Variants in ODAD3 observed in about 807,000 individuals in gnomAD.
ODAD3 encodes the protein outer dynein arm docking complex subunit 3.
In ODAD3, 57 loss-of-function variants were observed where a neutral mutation model predicts 70.9. That is an observed-to-expected ratio of 0.80 (90% CI 0.65 to 1.00). The LOEUF (loss-of-function observed/expected upper bound fraction) is 1.00, where lower values mean the gene tolerates loss of function less well. ODAD3 is among the 50% of genes least tolerant of loss of function. ODAD3 has a pLI of 0.00. For missense variants in ODAD3, 797 were observed against 763.9 expected (o/e 1.04, Z -0.51); for synonymous variants, 327 against 315.9 (o/e 1.04, Z -0.37).
In ODAD3 at chr19:11,426,218, G is replaced by C. The variant is rs1969369992; in HGVS notation, c.889C>G (p.Arg297Gly). ...TTGCACTCACTTATGTAGCGTTCCC[G>C]CTTCTTGCGCTCTCGAACCAAGGTC... ...EETLVRERKKRERYISECKKR... is the reference protein window; with the variant it reads ...EETLVRERKKGERYISECKKR... The change falls in exon 7 of 13, where the codon CGG (arginine) becomes GGG (glycine). Residue 297 changes from arginine to glycine, a missense_variant. Transcript: ENST00000356392. 7 of 1,613,716 alleles carry C rather than the reference G, an allele frequency of 4.3e-6. No homozygotes were observed. Among genetic ancestry groups the C allele is most frequent in the Non-Finnish European group, 5.9e-6 (7 of 1,179,944 alleles).
At chr19:11,428,861 TTTTATTTATTTATTTATTTA>T (rs1195887473) in intron 3 of ODAD3, among the ~76,000 whole-genome samples, 2 of 135,764 alleles carry the variant, frequency 1.5e-5, no homozygotes, top group East Asian at 2.0e-4. Flanking sequence ...GTGTTTTATT[TTTTATTTATTTATTTATTTA>T]TTTATTTATT....
chr19:11,434,941 TG>T lies in ODAD3; in HGVS notation c.75del (p.Arg26GlyfsTer56), dbSNP rs1368294758. ...PPQDQASTPS[S>X]RVKGREASGK... The stretch of plus-strand genomic sequence containing the variant: ...CCCGAAGCCTCCCTGCCCTTGACCC[TG>T]GAAGAGGGCGTCGAAGCCTGGTCCT... On this transcript the variant is annotated frameshift_variant, in exon 1 of 13. Coordinates refer to ENST00000356392, the MANE Select transcript of ODAD3 (RefSeq NM_145045.5). LOFTEE classifies it high-confidence loss of function. The T allele has an allele frequency of 1.2e-6, 2 of 1,613,976 alleles. No homozygotes were observed. Among genetic ancestry groups the T allele is most frequent in the East Asian group, 4.5e-5 (2 of 44,886 alleles).
In ODAD3 at chr19:11,426,772, G is replaced by C; in HGVS notation, c.625C>G (p.Leu209Val). The C allele has an allele frequency of 1.2e-6, 2 of 1,613,982 alleles. No homozygotes were observed. ...HTEVAKTMRN[L>V]ENRLEKAQMK... is the part of the protein sequence containing the mutation. ...TGGGCCTTCTCCAGGCGGTTCTCCA[G>C]GTTCCGCATGGTCTGGAGAGCAGCA... The change falls in exon 5 of 13, where the codon CTG (leucine) becomes GTG (valine). Residue 209 changes from leucine to valine, a missense_variant. Coordinates refer to ENST00000356392, the MANE Select transcript of ODAD3 (RefSeq NM_145045.5).
intron 7 of ODAD3, among the ~76,000 whole-genome samples, chr19:11,425,899 T>C (rs1969359937): frequency 7.0e-6 from 1 of 142,926 alleles, no homozygotes; most frequent in South Asian, 2.2e-4. Flanking sequence ...GGTCACTGAG[T>C]AAGGGGAAGG....
intron 7 of ODAD3, among the ~76,000 whole-genome samples, chr19:11,425,356 T>C (rs1391829631): frequency 7.7e-5 from 10 of 129,332 alleles, no homozygotes; most frequent in Middle Eastern, 7.6e-3. Flanking sequence ...TATATGTGTA[T>C]ATGTACATAT....
chr19:11,425,047 A>G lies in ODAD3; in HGVS notation c.964-1018T>C, dbSNP rs368337338. Among the ~76,000 whole-genome samples, 10 of 127,846 alleles carry G rather than the reference A, an allele frequency of 7.8e-5. 1 individual carries two copies. In the East Asian group the frequency reaches 9.3e-4, roughly 12 times the overall value. The allele number at this position is 127,846 out of a possible 152,430, so 83.9% of individuals were successfully genotyped here. On this transcript the variant is annotated intron_variant, in intron 7 of 12. Transcript: ENST00000356392. ...CATATGTGCATATATACATATGTGT[A>G]TATATGTGTATATGTGTATATATGT...
intron 7 of ODAD3, 88 bp from the exon 8 acceptor site, chr19:11,424,117 G>C: frequency 2.0e-6 from 3 of 1,479,456 alleles, no homozygotes; most frequent in South Asian, 2.4e-5. Flanking sequence ...ATAGGGGCCC[G>C]CGAGGAACAG....
chr19:11,435,592 G>C, upstream of ODAD3: 12 of 969,242 alleles, frequency 1.2e-5, no homozygotes, highest in Non-Finnish European at 1.7e-5. Context: ...TCCCGGTGCG[G>C]AACGTACGAC....
In ODAD3 at chr19:11,423,906, T is replaced by G. The variant is rs934631369; in HGVS notation, c.1087A>C (p.Lys363Gln). ...GTCTCGTCAGTGCCAGTGGCGTCCT[T>G]GACCTTGCCAAAGATCACCTCCATC... ...YQMEVIFGKV[K>Q]DATGTDETHS... is the part of the protein sequence containing the mutation. The change falls in exon 8 of 13, where the codon AAG becomes CAG. Residue 363 changes from lysine to glutamine, a missense_variant. Physicochemically the swap from Lys to Gln is moderately conservative, Grantham distance 53. Coordinates refer to ENST00000356392, the MANE Select transcript of ODAD3 (RefSeq NM_145045.5). 5 of 1,612,988 alleles carry G rather than the reference T, an allele frequency of 3.1e-6. No homozygotes were observed. Among genetic ancestry groups the G allele is most frequent in the South Asian group, 1.1e-5 (1 of 91,052 alleles).
intron 8 of ODAD3, 109 bp downstream of exon 8, chr19:11,423,768 C>T (rs944476234): frequency 2.6e-6 from 3 of 1,151,198 alleles, no homozygotes; most frequent in Non-Finnish European, 3.6e-6. Flanking sequence ...AATAACCGAC[C>T]TGGCAGAGAG....
intron 1 of ODAD3, 154 bp from the exon 2 acceptor site, chr19:11,431,174 C>A (rs1455294115): frequency 8.5e-6 from 8 of 939,040 alleles, no homozygotes; most frequent in Non-Finnish European, 1.2e-5. Context: ...TGCAATGGTG[C>A]AATCTCGGCT....
upstream of ODAD3, chr19:11,435,688 A>G: frequency 7.6e-7 from 1 of 1,308,956 alleles, no homozygotes; most frequent in Non-Finnish European, 1.0e-6. Flanking sequence ...GTGGATACTG[A>G]CCTTTGCTCC....
intron 3 of ODAD3, among the ~76,000 whole-genome samples, chr19:11,427,264 G>T (rs2144773768): frequency 6.6e-6 from 1 of 151,542 alleles, no homozygotes; most frequent in Admixed American, 6.6e-5. Context: ...CCGGCTCAGG[G>T]TTCTAAAAAA....
In ODAD3 at chr19:11,434,228, A is replaced by AC. The variant is rs753085149; in HGVS notation, c.244+544_244+545insG. Among the ~76,000 whole-genome samples, 170 of 138,872 alleles carry AC rather than the reference A, an allele frequency of 1.2e-3. 1 individual carries two copies. The highest frequency in any genetic ancestry group is 5.6e-3 in the South Asian group (23 of 4,072). 91.1% of individuals were successfully genotyped at this position (138,872 alleles called of 152,430 possible). On this transcript the variant is annotated intron_variant, in intron 1 of 12. Transcript: ENST00000356392. ...ACCCTGTCTCAAAAAACAAAAAACA[A>AC]AACAAAAAAAAACGCGGGTGCAGTG...
chr19:11,435,215 G>A, upstream of ODAD3: 2 of 1,416,324 alleles, frequency 1.4e-6, no homozygotes, highest in East Asian at 2.5e-5. Flanking sequence ...GAGATCACCC[G>A]CGTTCCGTGG....
rs1482850391 is a variant in ODAD3 at position 11,420,766 on chromosome 19, G to A, written c.*69C>T. ...CGTTCAGCCCCTGAAGGGGCCCCGT[G>A]GGGCCTGCGCTAGACCCGGAGGGAT... is the stretch of plus-strand genomic sequence containing the variant. On this transcript the variant is annotated 3_prime_UTR_variant, in exon 13 of 13. Transcript: ENST00000356392. 42 of 1,423,436 alleles carry A rather than the reference G, an allele frequency of 3.0e-5. No homozygotes were observed. The South Asian group carries it at 3.3e-4, about 11-fold the overall frequency. 88.2% of individuals were successfully genotyped at this position (1,423,436 alleles called of 1,614,324 possible).
upstream of ODAD3, chr19:11,435,283 G>A (rs1310503668): frequency 4.5e-6 from 5 of 1,118,162 alleles, no homozygotes; most frequent in Non-Finnish European, 6.0e-6. Context: ...AACAGTGGGC[G>A]GGGTAGAGCC....
chr19:11,421,038 C>A, intron 12 of ODAD3, 90 bp downstream of exon 12: 1 of 1,580,272 alleles, frequency 6.3e-7, no homozygotes, highest in Non-Finnish European at 8.7e-7. Flanking sequence ...ACTCCACCCC[C>A]ACCTTGGCCC....
rs1167411713 is a variant in ODAD3, at chr19:11,425,215, GTA to G, written c.963+927_963+928del. On this transcript the variant is annotated intron_variant, in intron 7 of 12. Coordinates refer to ENST00000356392, the MANE Select transcript of ODAD3 (RefSeq NM_145045.5). ...TACATATGTGTATGTGTACATATGT[GTA>G]TATATGTGTGTATATGTACATATGT... 3.5e-4 allele frequency among the ~76,000 whole-genome samples: 44 copies of G among 125,832 alleles called. 3 individuals carry two copies. Among genetic ancestry groups the G allele is most frequent in the South Asian group, 9.7e-4 (4 of 4,124 alleles). The allele number at this position is 125,832 out of a possible 152,430, so 82.6% of individuals were successfully genotyped here.
Sources: gnomAD v4.1 joint callset for allele counts (sites outside exome capture counted in the v4.1 genomes callset) on GRCh38, gnomAD v4.1.1 for gene constraint, MANE v1.5 for transcripts, NCBI Gene and HGNC (gene_info 2026-07-23, HGNC 2026-07-21) for gene names.